TMOD1: variants seen among roughly 807,000 people sequenced by gnomAD.
The protein encoded by TMOD1 is tropomodulin 1.
In TMOD1, 17 loss-of-function variants were observed where a neutral mutation model predicts 40.6. The ratio of observed to expected loss-of-function variants is 0.42; its 90% CI spans 0.29 to 0.63. The LOEUF (loss-of-function observed/expected upper bound fraction) is 0.63. TMOD1 is among the 20% of genes least tolerant of loss of function. The pLI is 0.22. For synonymous variants in TMOD1, 181 were observed against 175.0 expected (o/e 1.03, Z -0.27); for missense variants, 391 against 447.6 (o/e 0.87, Z 1.14).
chr9:97,573,722 C>T (rs940935552), intron 8 of TMOD1, among the ~76,000 whole-genome samples: 2 of 152,164 alleles, frequency 1.3e-5, no homozygotes, highest in African/African-American at 2.4e-5. Flanking sequence ...CGTGTGCACC[C>T]GGCCTAGGGC....
At chr9:97,553,213 GGCTGTGGGTCCACCAGAGGCTGTTCCATT>G in intron 3 of TMOD1, 39 bp from the exon 4 acceptor site, 1 of 1,606,478 alleles carries the variant, frequency 6.2e-7, no homozygotes, top group South Asian at 1.1e-5. Context: ...GTCCACGCAG[GGCTGTGGGTCCACCAGAGGCTGTTCCATT>G]GCAGCCACTC....
intron 1 of TMOD1, among the ~76,000 whole-genome samples, chr9:97,523,015 G>A (rs10759754): frequency 0.58 from 88,555 of 151,920 alleles, 26,493 homozygotes; most frequent in Middle Eastern, 0.68. Flanking sequence ...GAGCACCCTC[G>A]GACTGATGTC....
rs1172274297 is a variant in TMOD1, at chr9:97,550,992, T to TTA, written c.278-2267_278-2266dup. 8.0e-3 allele frequency among the ~76,000 whole-genome samples: 772 copies of TTA among 96,294 alleles called. 5 individuals carry two copies. The highest frequency in any genetic ancestry group is 0.015 in the African/African-American group (315 of 20,924). 63.2% of individuals were successfully genotyped at this position (96,294 alleles called of 152,430 possible). A position where few individuals can be genotyped will look rare whatever the true frequency, so the allele number is the denominator to read the frequency against. On this transcript the variant is annotated intron_variant, in intron 3 of 9. Coordinates refer to ENST00000259365, the MANE Select transcript of TMOD1 (RefSeq NM_003275.4). ...AACCTTATGTTTTCTTCTAAGAATT[T>TTA]TATATATATATATATATATATATTT... is the stretch of plus-strand genomic sequence containing the variant.
At chr9:97,571,754 A>G (rs997263332) in intron 8 of TMOD1, among the ~76,000 whole-genome samples, 1 of 152,208 alleles carries the variant, frequency 6.6e-6, no homozygotes, top group African/African-American at 2.4e-5. Flanking sequence ...GTATAATGCT[A>G]TGCCTGTCTG....
chr9:97,530,633 G>T (rs372287884), intron 2 of TMOD1, among the ~76,000 whole-genome samples: 1 of 151,706 alleles, frequency 6.6e-6, no homozygotes, highest in Non-Finnish European at 1.5e-5. Context: ...GACTACAGGC[G>T]CCCGCCACCA....
At chr9:97,508,351 G>A (rs1188177946) in intron 1 of TMOD1, among the ~76,000 whole-genome samples, 1 of 151,974 alleles carries the variant, frequency 6.6e-6, no homozygotes, top group Non-Finnish European at 1.5e-5. Flanking sequence ...ACCACACCTG[G>A]CAAATTTTTG....
intron 2 of TMOD1, among the ~76,000 whole-genome samples, chr9:97,533,058 C>T (rs184791026): frequency 3.3e-5 from 5 of 152,290 alleles, no homozygotes; most frequent in Non-Finnish European, 5.9e-5. Context: ...GGTATTGCCA[C>T]GTCACCTAAT....
chr9:97,587,101 T>G (rs1304154979), intron 8 of TMOD1, among the ~76,000 whole-genome samples: 1 of 152,260 alleles, frequency 6.6e-6, no homozygotes, highest in Non-Finnish European at 1.5e-5. Flanking sequence ...TCTTTTTCAC[T>G]GGTGAGTAGT....
intron 2 of TMOD1, among the ~76,000 whole-genome samples, chr9:97,531,039 C>G (rs1013062557): frequency 2.2e-5 from 3 of 138,398 alleles, no homozygotes; most frequent in Non-Finnish European, 4.9e-5. Flanking sequence ...CCACACCCAC[C>G]CCCCCCACCA....
At chr9:97,566,110 G>C (rs1587947099) in intron 7 of TMOD1, among the ~76,000 whole-genome samples, 155 bp downstream of exon 7, 1 of 152,058 alleles carries the variant, frequency 6.6e-6, no homozygotes, top group Non-Finnish European at 1.5e-5. Context: ...GGTGTAGAGG[G>C]AACAGCCATC....
At chr9:97,577,354 G>C (rs1039678643) in intron 8 of TMOD1, among the ~76,000 whole-genome samples, 1 of 152,198 alleles carries the variant, frequency 6.6e-6, no homozygotes, top group Non-Finnish European at 1.5e-5. Flanking sequence ...CATTCTCAGA[G>C]GCACTTAAGT....
intron 9 of TMOD1, 55 bp downstream of exon 9, chr9:97,591,490 G>A: frequency 6.4e-7 from 1 of 1,569,618 alleles, no homozygotes; most frequent in South Asian, 1.2e-5. Flanking sequence ...CCCTCCACCT[G>A]TGCTGGGGAT....
chr9:97,529,566 ATCTC>A (rs368887237), intron 2 of TMOD1, among the ~76,000 whole-genome samples: 2 of 151,610 alleles, frequency 1.3e-5, no homozygotes, highest in African/African-American at 4.8e-5. Context: ...AAAACTTTCT[ATCTC>A]TCTCTCTGGA....
intron 7 of TMOD1, among the ~76,000 whole-genome samples, chr9:97,568,552 G>A (rs954412629): frequency 8.5e-5 from 13 of 152,166 alleles, no homozygotes; most frequent in African/African-American, 3.1e-4. Flanking sequence ...CAGGTGGGAG[G>A]GAAAGAAAGG....
At chr9:97,592,006 CAT>C (rs1826011911) in intron 9 of TMOD1, among the ~76,000 whole-genome samples, 1 of 151,688 alleles carries the variant, frequency 6.6e-6, no homozygotes, top group African/African-American at 2.4e-5. Context: ...ATGAAGGAGA[CAT>C]TATCAGGAAA....
At chr9:97,598,735 C>T (rs1182369087) in intron 9 of TMOD1, among the ~76,000 whole-genome samples, 1 of 152,152 alleles carries the variant, frequency 6.6e-6, no homozygotes, top group East Asian at 1.9e-4. Context: ...TGTTGCAGCT[C>T]GTATTCATCG....
intron 8 of TMOD1, among the ~76,000 whole-genome samples, chr9:97,581,846 G>GT (rs200744736): frequency 2.7e-5 from 4 of 149,832 alleles, no homozygotes; most frequent in African/African-American, 9.9e-5. Context: ...GGGGTTGTTT[G>GT]TTTTTTTTCT....
intron 2 of TMOD1, among the ~76,000 whole-genome samples, chr9:97,542,772 C>T (rs1022872320): frequency 6.7e-6 from 1 of 150,122 alleles, no homozygotes; most frequent in Non-Finnish European, 1.5e-5. Flanking sequence ...ATTGCTTGAA[C>T]CCGGGAGGCA....
At chr9:97,524,861 C>T (rs1233118910) in intron 2 of TMOD1, among the ~76,000 whole-genome samples, 1 of 101,058 alleles carries the variant, frequency 9.9e-6, no homozygotes, top group Non-Finnish European at 2.3e-5. Flanking sequence ...GCCCACCCCC[C>T]ACCGCCATAT....
Sources: gnomAD v4.1 joint callset for allele counts (sites outside exome capture counted in the v4.1 genomes callset) on GRCh38, gnomAD v4.1.1 for gene constraint, MANE v1.5 for transcripts, NCBI Gene and HGNC (gene_info 2026-07-23, HGNC 2026-07-21) for gene names.